The following DTNA variants were observed in gnomAD, a reference collection of about 807,000 sequenced individuals.
The protein encoded by DTNA is dystrophin-related protein 3.
DTNA carries 43 observed loss-of-function variants against 100.7 expected under a neutral mutation model. The ratio of observed to expected loss-of-function variants is 0.43; its 90% CI spans 0.33 to 0.55. The LOEUF (loss-of-function observed/expected upper bound fraction) is 0.55, where lower values mean the gene tolerates loss of function less well. Ranked by LOEUF, DTNA falls within the 20% of genes least tolerant of loss-of-function variation. The pLI, the probability that DTNA is intolerant of heterozygous loss-of-function variation, is 0.04. For missense variants in DTNA, 798 were observed against 953.9 expected, an observed-to-expected ratio of 0.84 and a Z score of 2.15; for synonymous variants, 349 against 347.9, an observed-to-expected ratio of 1.00 and a Z score of -0.04.
intron 1 of DTNA, among the ~76,000 whole-genome samples, chr18:34,559,759 G>A (rs924007499): frequency 5.9e-5 from 9 of 152,122 alleles, no homozygotes; most frequent in Admixed American, 1.3e-4. Context: ...GAGGTCTTTA[G>A]TAAACACAGT....
chr18:34,646,243 G>A (rs1372403975), intron 1 of DTNA, among the ~76,000 whole-genome samples: 1 of 152,012 alleles, frequency 6.6e-6, no homozygotes. Context: ...TTAAATTCCT[G>A]TCTTTTGTTT....
At chr18:34,642,748 G>A (rs572435837) in intron 1 of DTNA, among the ~76,000 whole-genome samples, 6 of 152,086 alleles carry the variant, frequency 3.9e-5, no homozygotes, top group South Asian at 4.2e-4. Context: ...TAGTAGAGAT[G>A]GGTTTTCACC....
chr18:34,633,710 C>G (rs1031136053), intron 1 of DTNA, among the ~76,000 whole-genome samples: 1 of 152,146 alleles, frequency 6.6e-6, no homozygotes, highest in Non-Finnish European at 1.5e-5. Context: ...CCCTGTCTGA[C>G]CACCTAACAT....
chr18:34,858,079 CA>C (rs2096574127), intron 15 of DTNA, among the ~76,000 whole-genome samples: 1 of 152,182 alleles, frequency 6.6e-6, no homozygotes, highest in Admixed American at 6.5e-5. Flanking sequence ...GAAATGAAGT[CA>C]ATCTTCCCGT....
At chr18:34,712,839 G>A (rs1413617266) in intron 1 of DTNA, among the ~76,000 whole-genome samples, 1 of 151,998 alleles carries the variant, frequency 6.6e-6, no homozygotes, top group Admixed American at 6.5e-5. Context: ...CTCTACTAAG[G>A]AGACAGATAT....
At chr18:34,526,760 T>A (rs2042664567) in intron 1 of DTNA, among the ~76,000 whole-genome samples, 1 of 152,134 alleles carries the variant, frequency 6.6e-6, no homozygotes, top group South Asian at 2.1e-4. Context: ...GATTTGTGTT[T>A]TTTGCTCATT....
At chr18:34,683,681 G>C (rs1350919005) in intron 1 of DTNA, 1 of 152,090 alleles carries the variant, frequency 6.6e-6, no homozygotes, top group Non-Finnish European at 1.5e-5. Flanking sequence ...TCATCCTAAA[G>C]CTGGGAGACA....
intron 4 of DTNA, among the ~76,000 whole-genome samples, chr18:34,802,055 T>G (rs1161743461): frequency 6.6e-6 from 1 of 152,250 alleles, no homozygotes; most frequent in African/African-American, 2.4e-5. Context: ...CTTTTATGTC[T>G]TGAGATGGCA....
At chr18:34,846,755 A>G (rs1397375683) in intron 13 of DTNA, among the ~76,000 whole-genome samples, 1 of 152,202 alleles carries the variant, frequency 6.6e-6, no homozygotes, top group East Asian at 1.9e-4. Flanking sequence ...GAAGAACATA[A>G]TTACTTTCAC....
intron 14 of DTNA, 44 bp from the exon 15 acceptor site, chr18:34,851,787 T>A: frequency 1.3e-6 from 2 of 1,599,020 alleles, no homozygotes; most frequent in Non-Finnish European, 1.7e-6. Flanking sequence ...AATACATAGG[T>A]TCACATTCTC....
chr18:34,712,404 A>T (rs1488380282), intron 1 of DTNA, among the ~76,000 whole-genome samples: 1 of 152,108 alleles, frequency 6.6e-6, no homozygotes, highest in Non-Finnish European at 1.5e-5. Context: ...AATGAAAAAA[A>T]ATCTACAGTG....
At chr18:34,722,898 C>G (rs2085687743) in intron 1 of DTNA, among the ~76,000 whole-genome samples, 2 of 152,114 alleles carry the variant, frequency 1.3e-5, no homozygotes, top group South Asian at 4.1e-4. Context: ...ATGTGTTCAT[C>G]TTTCTTACTT....
At chr18:34,669,621 G>A (rs1315814504) in intron 1 of DTNA, among the ~76,000 whole-genome samples, 1 of 152,252 alleles carries the variant, frequency 6.6e-6, no homozygotes, top group Admixed American at 6.5e-5. Context: ...GGGCAGGCCT[G>A]GTGGTGACAA....
In DTNA at chr18:34,821,951, C is replaced by T. The variant is rs905993139; in HGVS notation, c.1001+1036C>T. Among the ~76,000 whole-genome samples, 11 of 152,234 alleles carry T rather than the reference C, an allele frequency of 7.2e-5. No individual in the cohort carries two copies. In the East Asian group the frequency reaches 9.7e-4, roughly 13 times the overall value. On this transcript the variant is annotated intron_variant, in intron 9 of 22. Transcript: ENST00000444659. ...ATGGACCTTAGCAAATACCACCAAA[C>T]GATTTGTGTTGGGTCACGTCTGTGA...
chr18:34,497,540 G>A (rs907780749), intron 1 of DTNA, among the ~76,000 whole-genome samples: 2 of 152,020 alleles, frequency 1.3e-5, no homozygotes, highest in African/African-American at 4.8e-5. Flanking sequence ...AGTTTGAGAT[G>A]GTGTTTAAGA....
chr18:34,553,900 T>C (rs2045734695), intron 1 of DTNA, among the ~76,000 whole-genome samples: 1 of 151,646 alleles, frequency 6.6e-6, no homozygotes. Flanking sequence ...AGTAGTTTTT[T>C]CCAATTCTGT....
intron 1 of DTNA, among the ~76,000 whole-genome samples, chr18:34,591,125 A>G (rs12326843): frequency 0.1 from 15,636 of 151,482 alleles, 1,159 homozygotes; most frequent in African/African-American, 0.21. Flanking sequence ...TTTTTTTTCT[A>G]TTTTTCTTAT....
intron 1 of DTNA, among the ~76,000 whole-genome samples, chr18:34,700,805 C>A (rs571826590): frequency 7.9e-5 from 12 of 152,326 alleles, no homozygotes; most frequent in Non-Finnish European, 1.5e-4. Context: ...TGCTTCTTCT[C>A]CCACTCCGTG....
At chr18:34,648,356 A>T (rs1169772124) in intron 1 of DTNA, among the ~76,000 whole-genome samples, 6 of 152,204 alleles carry the variant, frequency 3.9e-5, no homozygotes, top group Non-Finnish European at 5.9e-5. Flanking sequence ...GCTTTCTGTG[A>T]AGAGTAGGTT....
Sources: gnomAD v4.1 joint callset for allele counts (sites outside exome capture counted in the v4.1 genomes callset) on GRCh38, gnomAD v4.1.1 for gene constraint, MANE v1.5 for transcripts, NCBI Gene and HGNC (gene_info 2026-07-23, HGNC 2026-07-21) for gene names.